The following RADIL variants were observed in gnomAD, a reference collection of about 807,000 sequenced individuals.
RADIL encodes the protein ras-associating and dilute domain-containing protein.
A neutral mutation model predicts 97.6 loss-of-function variants in RADIL; 99 were observed. That is an observed-to-expected ratio of 1.01 (90% CI 0.86 to 1.20). The LOEUF (loss-of-function observed/expected upper bound fraction) is 1.20. RADIL is among the 50% of genes most tolerant of loss of function. The probability of loss-of-function intolerance (pLI) is 0.00; values close to 1 mark genes in which losing one functional copy is unlikely to be tolerated. For synonymous variants in RADIL, 803 were observed against 691.8 expected, an observed-to-expected ratio of 1.16 and a Z score of -2.52; for missense variants, 1,765 against 1,498.9, an observed-to-expected ratio of 1.18 and a Z score of -2.93.
At chr7:4,828,952 C>T (rs934736166) in intron 5 of RADIL, among the ~76,000 whole-genome samples, 1 of 152,130 alleles carries the variant, frequency 6.6e-6, no homozygotes, top group African/African-American at 2.4e-5. Context: ...GTGGAAGGTT[C>T]CAGTCCTCCC....
chr7:4,801,569 G>A lies in RADIL; in HGVS notation c.2842+84C>T, dbSNP rs944400515. ...AGGTAAGGAAACCTAGGACCCAAGG[G>A]GGGAACGATCCCAGGGGACCGGCCA... On this transcript the variant is annotated intron_variant, in intron 12 of 14. Transcript: ENST00000399583. 68 of 1,423,178 alleles carry A rather than the reference G, an allele frequency of 4.8e-5. 1 individual carries two copies. The highest frequency in any genetic ancestry group is 4.7e-5 in the Non-Finnish European group (50 of 1,060,742). The allele number at this position is 1,423,178 out of a possible 1,614,324, so 88.2% of individuals were successfully genotyped here.
At chr7:4,836,684 T>A (rs1170475360) in intron 2 of RADIL, 79 bp from the exon 3 acceptor site, 14 of 1,567,970 alleles carry the variant, frequency 8.9e-6, no homozygotes. Context: ...ACCCCTGTAA[T>A]CCCAGCACTT....
At position 4,879,667 on chromosome 7, in the gene RADIL, G is replaced by A. The variant is rs1784445309; in HGVS notation, c.-64-1464C>T. On this transcript the variant is annotated intron_variant, in intron 1 of 14. Coordinates refer to ENST00000399583, the MANE Select transcript of RADIL (RefSeq NM_018059.5). The surrounding 1 kb of genome is among the most constrained non-coding windows in gnomAD (Gnocchi z 4.1). ...CGTCACGCTGCGGGCGCTGCAAAAG[G>A]CTTCTGGAAAGGACGGTGGCTGCCT... is the stretch of plus-strand genomic sequence containing the variant. 6.6e-6 allele frequency among the ~76,000 whole-genome samples: 1 copy of A among 152,160 alleles called. No homozygotes were observed. Among genetic ancestry groups the A allele is most frequent in the Admixed American group, 6.5e-5 (1 of 15,274 alleles).
chr7:4,861,860 G>C, intron 2 of RADIL: 1 of 544,562 alleles, frequency 1.8e-6, no homozygotes, highest in Non-Finnish European at 2.3e-6. Context: ...CGCGACCTTC[G>C]CGGCCGCCGC....
At chr7:4,828,195 C>T (rs1783049136) in intron 5 of RADIL, among the ~76,000 whole-genome samples, 2 of 152,342 alleles carry the variant, frequency 1.3e-5, no homozygotes, top group East Asian at 3.9e-4. Context: ...CAGTGGCTTA[C>T]GCCTGTAATC....
chr7:4,850,333 A>G (rs138695811), intron 2 of RADIL, among the ~76,000 whole-genome samples: 1 of 151,992 alleles, frequency 6.6e-6, no homozygotes, highest in Non-Finnish European at 1.5e-5. Flanking sequence ...GAAGGTCACT[A>G]TGGTGGGCAG....
At chr7:4,833,797 C>A (rs1024494870) in intron 4 of RADIL, among the ~76,000 whole-genome samples, 3 of 152,012 alleles carry the variant, frequency 2.0e-5, no homozygotes, top group African/African-American at 7.2e-5. Flanking sequence ...TGGGGCCCAG[C>A]GGGGGGCCAT....
At chr7:4,830,487 G>C (rs1423656087) in intron 5 of RADIL, among the ~76,000 whole-genome samples, 2 of 152,210 alleles carry the variant, frequency 1.3e-5, no homozygotes, top group African/African-American at 4.8e-5. Flanking sequence ...TAACCCAGGA[G>C]CTGCGCCTTT....
At chr7:4,802,149 A>C (rs1782109428) in intron 11 of RADIL, among the ~76,000 whole-genome samples, 154 bp from the exon 12 acceptor site, 1 of 152,160 alleles carries the variant, frequency 6.6e-6, no homozygotes, top group Admixed American at 6.5e-5. Flanking sequence ...GACGCGCAAG[A>C]GGCAAAGGGG....
intron 9 of RADIL, chr7:4,809,036 G>C (rs1363217512): frequency 1.3e-6 from 1 of 759,154 alleles, no homozygotes; most frequent in Non-Finnish European, 1.5e-6. Context: ...GTCCCCTTCC[G>C]ACGCCACTGC....
rs145746686 is a variant in RADIL at position 4,865,717 on chromosome 7, AC to A, written c.535+11887del. ...GGCAGCATCTGTGATTCCATCTTCTACGGGGTGGGTGCAATCAAGAGTGAAC... is the reference window on the plus strand; with the variant it reads ...GGCAGCATCTGTGATTCCATCTTCTAGGGGTGGGTGCAATCAAGAGTGAAC... On this transcript the variant is annotated intron_variant, in intron 2 of 14. Coordinates refer to ENST00000399583, the MANE Select transcript of RADIL (RefSeq NM_018059.5). 10,245 of 1,046,340 alleles carry A rather than the reference AC, an allele frequency of 9.8e-3. 550 individuals carry two copies. In the African/African-American group the frequency reaches 0.13, roughly 13 times the overall value. 64.8% of individuals were successfully genotyped at this position (1,046,340 alleles called of 1,614,324 possible).
rs1326766975 is a variant in RADIL, at chr7:4,814,429, C to A, written c.2139+849G>T. On this transcript the variant is annotated intron_variant, in intron 9 of 14. Transcript: ENST00000399583. This position sits in a 1 kb window ranked among gnomAD's most constrained non-coding sequence, Gnocchi z 4.5. ...TGCCTCGCGGGTTCAAGCGATTCGC[C>A]CTGTGGCCACTGTCACCATCACAGT... 6.6e-6 allele frequency among the ~76,000 whole-genome samples: 1 copy of A among 152,124 alleles called. No homozygotes were observed. Among genetic ancestry groups the A allele is most frequent in the South Asian group, 2.1e-4 (1 of 4,834 alleles).
chr7:4,874,678 C>T (rs11977989), intron 2 of RADIL, among the ~76,000 whole-genome samples: 5,407 of 151,142 alleles, frequency 0.036, 308 homozygotes, highest in African/African-American at 0.13. Flanking sequence ...TGGCAGGTTT[C>T]GAAAACCGCC....
At chr7:4,827,448 T>TC (rs535891351) in intron 5 of RADIL, among the ~76,000 whole-genome samples, 46 of 149,324 alleles carry the variant, frequency 3.1e-4, no homozygotes, top group Non-Finnish European at 5.6e-4. Flanking sequence ...TCACCAGAGG[T>TC]CAGGCGATCA....
intron 2 of RADIL, among the ~76,000 whole-genome samples, chr7:4,841,424 C>T (rs916375968): frequency 7.2e-5 from 11 of 152,344 alleles, no homozygotes; most frequent in Admixed American, 3.3e-4. Context: ...CTGTCCACAG[C>T]GGTTCCTTAC....
Position 4,835,034 on chromosome 7 carries a change from G to A in RADIL, c.989C>T (p.Ser330Phe). 1.2e-6 allele frequency: 2 copies of A among 1,610,690 alleles called. No individual in the cohort carries two copies. The highest frequency in any genetic ancestry group is 2.2e-5 in the South Asian group (2 of 90,634). Residue 330 changes from serine to phenylalanine, a missense_variant, in exon 4 of 15, where the codon TCC becomes TTC. By Grantham distance (155) the Ser-to-Phe change is radical. Transcript: ENST00000399583. The surrounding 1 kb of genome is among the most constrained non-coding windows in gnomAD (Gnocchi z 5.8). ...CACCACGGTCCTGTGCCCCACCTCG[G>A]AGAAGTTGACGGAGATGTGCGCCCC... ...IPGAHISVNF[S>F]EVGHRTVVLH...
chr7:4,805,883 A>T, intron 9 of RADIL, 167 bp from the exon 10 acceptor site: 1 of 985,290 alleles, frequency 1.0e-6, no homozygotes, highest in Non-Finnish European at 1.2e-6. Flanking sequence ...GCAGCAGTTC[A>T]CCCCTGGCAC....
In RADIL at chr7:4,815,460, G is replaced by A. The variant is rs757765387; in HGVS notation, c.1967-10C>T. Reference sequence around the variant, plus strand: ...CAGCTCAGGGAGGGGCCTGTGGAGGGAAGAAGGGAGGGTGATGCCTGGGCT... The same window carrying A: ...CAGCTCAGGGAGGGGCCTGTGGAGGAAAGAAGGGAGGGTGATGCCTGGGCT... On this transcript the variant is annotated splice_polypyrimidine_tract_variant and intron_variant, in intron 8 of 14. Transcript: ENST00000399583. The surrounding 1 kb of genome is among the most constrained non-coding windows in gnomAD (Gnocchi z 8.0). The A allele has an allele frequency of 6.7e-7, 1 of 1,495,908 alleles. No homozygotes were observed. Among genetic ancestry groups the A allele is most frequent in the South Asian group, 1.3e-5 (1 of 74,564 alleles). 92.7% of individuals were successfully genotyped at this position (1,495,908 alleles called of 1,614,324 possible). A position where few individuals can be genotyped will look rare whatever the true frequency, so the allele number is the denominator to read the frequency against.
chr7:4,860,543 G>A (rs1233029800), intron 2 of RADIL: 2 of 1,614,138 alleles, frequency 1.2e-6, no homozygotes, highest in Non-Finnish European at 1.7e-6. Context: ...TTTGGGTGCT[G>A]GAAATGACTG....
Sources: gnomAD v4.1 joint callset for allele counts (sites outside exome capture counted in the v4.1 genomes callset) on GRCh38, gnomAD v4.1.1 for gene constraint, Gnocchi (gnomAD v3.1) non-coding constraint, MANE v1.5 for transcripts, NCBI Gene and HGNC (gene_info 2026-07-23, HGNC 2026-07-21) for gene names.